TTC23L: variants seen among roughly 807,000 people sequenced by gnomAD.
TTC23L encodes the protein tetratricopeptide repeat protein 23-like.
A neutral mutation model predicts 48.1 loss-of-function variants in TTC23L; 42 were observed. The ratio of observed to expected loss-of-function variants is 0.87; its 90% CI spans 0.68 to 1.13. The LOEUF (loss-of-function observed/expected upper bound fraction) is 1.13. Among genes scored for constraint, TTC23L ranks in the 50% most tolerant of loss-of-function variants. TTC23L has a pLI of 0.00. For synonymous variants in TTC23L, 159 were observed against 157.2 expected, an observed-to-expected ratio of 1.01 and a Z score of -0.09; for missense variants, 391 against 421.0, an observed-to-expected ratio of 0.93 and a Z score of 0.62.
At chr5:34,920,537 A>C in the TTC23L span, 3 of 152,204 alleles carry the variant, frequency 2.0e-5, no homozygotes, top group Admixed American at 1.3e-4. Flanking sequence ...TCAACAGAGC[A>C]ATGTCCCTGT....
chr5:34,898,808 C>A (rs1763387184), intron 10 of TTC23L, among the ~76,000 whole-genome samples: 1 of 152,074 alleles, frequency 6.6e-6, no homozygotes, highest in Admixed American at 6.6e-5. Context: ...CTATGAAAAC[C>A]ACTTTTTTCA....
At chr5:34,880,390 C>G in intron 9 of TTC23L, 82 bp downstream of exon 9, 3 of 1,402,392 alleles carry the variant, frequency 2.1e-6, no homozygotes, top group Non-Finnish European at 2.9e-6. Flanking sequence ...AATTCAGATA[C>G]TGGAGATCAG....
At chr5:34,909,255 G>T in the TTC23L span, 1 of 1,588,740 alleles carries the variant, frequency 6.3e-7, no homozygotes, top group South Asian at 1.1e-5. Context: ...ATTAAGAACT[G>T]ACCTGTTGAC....
the TTC23L span, chr5:34,923,135 C>A: frequency 3.2e-4 from 519 of 1,612,396 alleles, 12 homozygotes; most frequent in South Asian, 5.4e-3. Context: ...TTAACTAGAT[C>A]TTTAGTACAC....
At chr5:34,911,962 C>G in the TTC23L span, 1 of 925,526 alleles carries the variant, frequency 1.1e-6, no homozygotes, top group Admixed American at 2.6e-5. Context: ...ATGACATCTT[C>G]CCTGATGACA....
chr5:34,873,631 G>C (rs2111557820), intron 8 of TTC23L, among the ~76,000 whole-genome samples: 1 of 152,300 alleles, frequency 6.6e-6, no homozygotes, highest in Middle Eastern at 3.4e-3. Context: ...GTTGACACTA[G>C]CCTGAAGTTG....
At chr5:34,922,183 T>A in the TTC23L span, 2 of 1,196,122 alleles carry the variant, frequency 1.7e-6, no homozygotes, top group Non-Finnish European at 2.4e-6. Flanking sequence ...ATTTATATTA[T>A]CTACTTCATT....
chr5:34,847,302 A>G (rs1759288200), intron 3 of TTC23L, among the ~76,000 whole-genome samples: 1 of 152,150 alleles, frequency 6.6e-6, no homozygotes, highest in South Asian at 2.1e-4. Flanking sequence ...ACACACAAGT[A>G]CCATCTGCCA....
the TTC23L span, chr5:34,915,053 G>T: frequency 1.5e-6 from 1 of 683,382 alleles, no homozygotes; most frequent in Non-Finnish European, 2.4e-6. Context: ...CTGGGAGGCT[G>T]AACACGGCTG....
chr5:34,922,463 T>C, the TTC23L span: 1 of 974,110 alleles, frequency 1.0e-6, no homozygotes, highest in South Asian at 1.4e-5. Flanking sequence ...TATAAGCATA[T>C]TATTTATGGT....
chr5:34,850,160 G>A, intron 3 of TTC23L, 25 bp from the exon 4 acceptor site: 2 of 1,612,834 alleles, frequency 1.2e-6, no homozygotes, highest in South Asian at 1.1e-5. Context: ...TTTCCAAAAA[G>A]TATAATCACT....
chr5:34,880,543 A>G (rs1168629004), intron 9 of TTC23L: 1 of 493,426 alleles, frequency 2.0e-6, no homozygotes, highest in African/African-American at 2.0e-5. Flanking sequence ...TGTACTTGGA[A>G]ACTGCAGAGT....
the TTC23L span, chr5:34,908,926 G>A: frequency 6.2e-7 from 1 of 1,607,056 alleles, no homozygotes; most frequent in South Asian, 1.1e-5. Flanking sequence ...TTTGTAGAGG[G>A]TTTCAGTAAG....
the TTC23L span, chr5:34,908,714 A>T: frequency 6.8e-7 from 1 of 1,460,446 alleles, no homozygotes; most frequent in Admixed American, 2.1e-5. Flanking sequence ...ACTCAGAATA[A>T]GAACTTCATC....
the TTC23L span, chr5:34,909,310 TG>T: frequency 1.2e-6 from 2 of 1,611,756 alleles, no homozygotes; most frequent in Non-Finnish European, 1.7e-6. Flanking sequence ...TCAGAATCTT[TG>T]GGATAGTCAA....
At chr5:34,891,003 A>G (rs153017) in intron 9 of TTC23L, among the ~76,000 whole-genome samples, 37,040 of 152,118 alleles carry the variant, frequency 0.24, 5,187 homozygotes, top group South Asian at 0.37. Flanking sequence ...AAATATTAGT[A>G]CTTTCCTCAA....
the TTC23L span, chr5:34,919,966 TA>T: frequency 5.2e-6 from 3 of 580,090 alleles, no homozygotes; most frequent in Admixed American, 3.5e-5. Context: ...TCAGTGACTT[TA>T]AAAATTATTT....
At chr5:34,925,674 A>G in the TTC23L span, 3 of 552,036 alleles carry the variant, frequency 5.4e-6, no homozygotes, top group Non-Finnish European at 9.0e-6. Flanking sequence ...ACCAGAATTC[A>G]TCAGTTAATT....
intron 8 of TTC23L, among the ~76,000 whole-genome samples, chr5:34,870,190 T>C (rs1269854141): frequency 2.0e-5 from 3 of 151,976 alleles, no homozygotes; most frequent in African/African-American, 7.2e-5. Context: ...AAATTCCAGG[T>C]GGATTAACAT....
Sources: gnomAD v4.1 joint callset for allele counts (sites outside exome capture counted in the v4.1 genomes callset) on GRCh38, gnomAD v4.1.1 for gene constraint, MANE v1.5 for transcripts, NCBI Gene and HGNC (gene_info 2026-07-23, HGNC 2026-07-21) for gene names.